Variants in SNX13 observed in about 807,000 individuals in gnomAD.
SNX13 encodes the protein sorting nexin 13.
Under a neutral mutation model 133.6 loss-of-function variants are expected in SNX13, and 45 were observed. The observed-to-expected ratio is 0.34, with a 90% confidence interval of 0.27 to 0.43. The LOEUF (loss-of-function observed/expected upper bound fraction) is 0.43. Ranked by LOEUF, SNX13 falls within the 20% of genes least tolerant of loss-of-function variation. The pLI is 1.00. For missense variants in SNX13, 1,032 were observed against 1,145.1 expected (o/e 0.90, Z 1.43); for synonymous variants, 414 against 373.9 (o/e 1.11, Z -1.24).
At chr7:17,844,909 G>C (rs1350021019) in intron 12 of SNX13, among the ~76,000 whole-genome samples, 2 of 151,964 alleles carry the variant, frequency 1.3e-5, no homozygotes, top group Non-Finnish European at 1.5e-5. Context: ...AATAAAAGCT[G>C]TATCTGAAAA....
At chr7:17,895,117 T>G (rs1188284644) in intron 2 of SNX13, among the ~76,000 whole-genome samples, 1 of 152,182 alleles carries the variant, frequency 6.6e-6, no homozygotes, top group Non-Finnish European at 1.5e-5. Flanking sequence ...ACTGTGTTAT[T>G]AAAAACATCA....
At chr7:17,886,348 T>A (rs1003098297) in intron 5 of SNX13, among the ~76,000 whole-genome samples, 2 of 151,992 alleles carry the variant, frequency 1.3e-5, no homozygotes, top group Non-Finnish European at 2.9e-5. Flanking sequence ...GGGGGGCGGA[T>A]CACAAGGTCA....
intron 5 of SNX13, 99 bp downstream of exon 5, chr7:17,890,264 C>T (rs1796484116): frequency 2.6e-6 from 3 of 1,169,574 alleles, no homozygotes; most frequent in African/African-American, 3.1e-5. Flanking sequence ...GTTCTACTTA[C>T]CTTTTAATAA....
At chr7:17,814,053 G>A (rs1786366419) in intron 20 of SNX13, among the ~76,000 whole-genome samples, 1 of 152,146 alleles carries the variant, frequency 6.6e-6, no homozygotes, top group South Asian at 2.1e-4. Flanking sequence ...AATACAAAGA[G>A]TGGTATAAAT....
At chr7:17,851,070 A>C in intron 9 of SNX13, 106 bp from the exon 10 acceptor site, 1 of 1,162,934 alleles carries the variant, frequency 8.6e-7, no homozygotes, top group Non-Finnish European at 1.2e-6. Context: ...CTACATACTC[A>C]GTGCTTACAA....
At chr7:17,816,693 A>AAT (rs1415472024) in intron 18 of SNX13, among the ~76,000 whole-genome samples, 6 of 152,074 alleles carry the variant, frequency 3.9e-5, no homozygotes, top group African/African-American at 1.4e-4. Context: ...AACAACAAAA[A>AAT]CCCATCTTCA....
intron 1 of SNX13, among the ~76,000 whole-genome samples, chr7:17,931,054 T>C (rs1801340006): frequency 6.6e-6 from 1 of 152,182 alleles, no homozygotes; most frequent in African/African-American, 2.4e-5. Context: ...TGTAGCCCAT[T>C]TATTTTACTC....
intron 9 of SNX13, among the ~76,000 whole-genome samples, chr7:17,867,994 C>A (rs954265385): frequency 6.6e-6 from 1 of 152,130 alleles, no homozygotes; most frequent in African/African-American, 2.4e-5. Flanking sequence ...GAATCCAGAT[C>A]TTCTGGTTCT....
At chr7:17,883,142 G>A (rs1456624085) in intron 5 of SNX13, among the ~76,000 whole-genome samples, 1 of 152,162 alleles carries the variant, frequency 6.6e-6, no homozygotes, top group African/African-American at 2.4e-5. Flanking sequence ...CTATAACACT[G>A]CTTAAGAAGT....
intron 1 of SNX13, among the ~76,000 whole-genome samples, chr7:17,938,773 T>G (rs1431076437): frequency 6.6e-6 from 1 of 152,218 alleles, no homozygotes; most frequent in African/African-American, 2.4e-5. Context: ...AAGCTAAGTT[T>G]AAGGAAAAGA....
intron 9 of SNX13, among the ~76,000 whole-genome samples, chr7:17,855,700 A>T (rs894666090): frequency 6.6e-6 from 1 of 152,202 alleles, no homozygotes; most frequent in African/African-American, 2.4e-5. Flanking sequence ...TCCTTTCAAA[A>T]TATTATTGCT....
rs1583572993 is a variant in SNX13, at chr7:17,873,742, T to G, written c.665-126A>C. 4 of 474,590 alleles carry G rather than the reference T, an allele frequency of 8.4e-6. No individual in the cohort carries two copies. The East Asian group carries it at 1.4e-4, about 17-fold the overall frequency. The allele number at this position is 474,590 out of a possible 1,614,324, so 29.4% of individuals were successfully genotyped here. ...CCCTGGTTACAATGGCTTATTTTAGTAATTAGTACACATCAGTATTCATTA... is the reference window on the plus strand; with the variant it reads ...CCCTGGTTACAATGGCTTATTTTAGGAATTAGTACACATCAGTATTCATTA... On this transcript the variant is annotated intron_variant, in intron 7 of 25. Transcript: ENST00000428135.
intron 20 of SNX13, among the ~76,000 whole-genome samples, chr7:17,805,254 T>TGCGTGC (rs1554304326): frequency 7.5e-6 from 1 of 132,526 alleles, no homozygotes; most frequent in East Asian, 2.1e-4. Flanking sequence ...TGTGTGTGCG[T>TGCGTGC]GCGCGCGCGC....
intron 2 of SNX13, among the ~76,000 whole-genome samples, chr7:17,897,105 C>A (rs1358343613): frequency 6.6e-6 from 1 of 151,946 alleles, no homozygotes; most frequent in Non-Finnish European, 1.5e-5. Flanking sequence ...AAAGTTCATA[C>A]CTTTGGAAAT....
chr7:17,862,556 T>C (rs531463134), intron 9 of SNX13, among the ~76,000 whole-genome samples: 148 of 152,324 alleles, frequency 9.7e-4, no homozygotes, highest in African/African-American at 3.4e-3. Flanking sequence ...TTATCTAACA[T>C]ATATGCTAAT....
rs1476329704 is a variant in SNX13, at chr7:17,792,913, C to T, written c.*1132G>A. On this transcript the variant is annotated 3_prime_UTR_variant, in exon 26 of 26. Coordinates refer to ENST00000428135, the MANE Select transcript of SNX13 (RefSeq NM_015132.5). ...AAAGGTATACACTGAGGGGTCTTGC[C>T]TACTAGCTTTATTTTGTAGAACTTT... 2 of 151,952 alleles carry T rather than the reference C, an allele frequency of 1.3e-5. No homozygotes were observed. Among genetic ancestry groups the T allele is most frequent in the East Asian group, 3.8e-4 (2 of 5,200 alleles). 9.4% of individuals were successfully genotyped at this position (151,952 alleles called of 1,614,324 possible). A position where few individuals can be genotyped will look rare whatever the true frequency, so the allele number is the denominator to read the frequency against.
chr7:17,913,896 C>T (rs73310190), intron 1 of SNX13, among the ~76,000 whole-genome samples: 4,729 of 151,888 alleles, frequency 0.031, 256 homozygotes, highest in African/African-American at 0.11. Context: ...GCAATGGATC[C>T]TAACCAGAAT....
rs193119648 is a variant in SNX13 at position 17,864,610 on chromosome 7, A to G, written c.837+3797T>C. On this transcript the variant is annotated intron_variant, in intron 9 of 25. Coordinates refer to ENST00000428135, the MANE Select transcript of SNX13 (RefSeq NM_015132.5). Reference sequence around the variant, plus strand: ...AGTTTATTCAAAGAAATAATAACAAAGAACTTTTAAAACCCAGAAAAAAAC... The same window carrying G: ...AGTTTATTCAAAGAAATAATAACAAGGAACTTTTAAAACCCAGAAAAAAAC... 1.1e-3 allele frequency among the ~76,000 whole-genome samples: 173 copies of G among 152,322 alleles called. 4 individuals carry two copies. Among genetic ancestry groups the G allele is most frequent in the Non-Finnish European group, 5.3e-4 (36 of 68,038 alleles).
chr7:17,900,704 G>A (rs1583689465), intron 1 of SNX13, among the ~76,000 whole-genome samples: 1 of 151,676 alleles, frequency 6.6e-6, no homozygotes, highest in African/African-American at 2.4e-5. Flanking sequence ...TCCCTTCAGG[G>A]CAATGGGCTC....
Sources: allele counts gnomAD v4.1 joint callset (sites outside exome capture counted in the v4.1 genomes callset), GRCh38; gene constraint gnomAD v4.1.1; transcripts MANE v1.5; gene names NCBI Gene and HGNC (gene_info 2026-07-23, HGNC 2026-07-21).